CNOT1: variants seen among roughly 807,000 people sequenced by gnomAD.
CNOT1 encodes the protein CCR4-associated factor 1.
Under a neutral mutation model 273.8 loss-of-function variants are expected in CNOT1, and 15 were observed. The observed-to-expected ratio is 0.05, with a 90% CI of 0.04 to 0.08. The LOEUF (loss-of-function observed/expected upper bound fraction) is 0.08. Ranked by LOEUF, CNOT1 falls within the 10% of genes least tolerant of loss-of-function variation. The pLI, the probability that CNOT1 is intolerant of heterozygous loss-of-function variation, is 1.00. For synonymous variants in CNOT1, 1,022 were observed against 1,005.5 expected (o/e 1.02, Z -0.31); for missense variants, 1,644 against 2,912.2 (o/e 0.56, Z 10.02).
intron 39 of CNOT1, among the ~76,000 whole-genome samples, chr16:58,535,824 C>G (rs1250753707): frequency 6.6e-6 from 1 of 151,904 alleles, no homozygotes; most frequent in African/African-American, 2.4e-5. Context: ...AGCTTCATCT[C>G]CTGGGTTCAC....
At chr16:58,545,299 G>T (rs530450006) in intron 30 of CNOT1, 62 bp downstream of exon 30, 1 of 1,590,684 alleles carries the variant, frequency 6.3e-7, no homozygotes, top group African/African-American at 1.3e-5. Flanking sequence ...AGAAAAGGTG[G>T]CCAAACAAAA....
chr16:58,606,997 T>C (rs1275418891), intron 1 of CNOT1, among the ~76,000 whole-genome samples: 10 of 152,274 alleles, frequency 6.6e-5, no homozygotes, highest in African/African-American at 2.2e-4. Flanking sequence ...TAATTGTCTA[T>C]TGAACATTCA....
At chr16:58,544,272 A>C (rs1452299468) in intron 30 of CNOT1, among the ~76,000 whole-genome samples, 2 of 152,176 alleles carry the variant, frequency 1.3e-5, no homozygotes, top group African/African-American at 2.4e-5. Context: ...AAAAAGAATA[A>C]AGTTTATAGA....
chr16:58,573,440 C>T (rs987648417), intron 16 of CNOT1, among the ~76,000 whole-genome samples: 3 of 151,606 alleles, frequency 2.0e-5, no homozygotes, highest in South Asian at 2.1e-4. Context: ...AAAAATTCAA[C>T]GTAATCCTCT....
chr16:58,620,438 C>G (rs552463638), intron 1 of CNOT1, among the ~76,000 whole-genome samples: 1 of 152,088 alleles, frequency 6.6e-6, no homozygotes, highest in East Asian at 1.9e-4. Flanking sequence ...GTCAGGGGTT[C>G]AGGACCAGCC....
chr16:58,617,296 G>C (rs2043125847), intron 1 of CNOT1, among the ~76,000 whole-genome samples: 1 of 152,028 alleles, frequency 6.6e-6, no homozygotes, highest in South Asian at 2.1e-4. Flanking sequence ...GAGAGGTTGA[G>C]GCTACAGTGA....
chr16:58,569,181 G>T (rs909010160), intron 16 of CNOT1, among the ~76,000 whole-genome samples: 4 of 152,190 alleles, frequency 2.6e-5, no homozygotes, highest in Admixed American at 6.5e-5. Context: ...GGAGTGCAGT[G>T]GCACAAACTC....
At chr16:58,521,423 C>G (rs1368929298) in intron 47 of CNOT1, 106 bp from the exon 48 acceptor site, 1 of 1,128,544 alleles carries the variant, frequency 8.9e-7, no homozygotes, top group Non-Finnish European at 1.3e-6. Flanking sequence ...GAACCACATG[C>G]AAAAGTTTTC....
chr16:58,602,426 AC>A (rs1487201090), intron 1 of CNOT1, among the ~76,000 whole-genome samples: 2 of 151,746 alleles, frequency 1.3e-5, no homozygotes, highest in Non-Finnish European at 2.9e-5. Flanking sequence ...GGTGGTGCAC[AC>A]CTATAATCCC....
intron 11 of CNOT1, 70 bp downstream of exon 11, chr16:58,581,275 G>A: frequency 6.7e-7 from 1 of 1,485,226 alleles, no homozygotes; most frequent in South Asian, 1.4e-5. Context: ...CGATCAATGG[G>A]TAGATGGCAC....
rs9924724 is a variant in CNOT1 at position 58,581,679 on chromosome 16, T to A, written c.1045-164A>T. Among the ~76,000 whole-genome samples the A allele has an allele frequency of 0.75, 114,066 of 151,416 alleles. 43,362 individuals carry two copies. Among genetic ancestry groups the A allele is most frequent in the Middle Eastern group, 0.86 (251 of 292 alleles). On this transcript the variant is annotated intron_variant, in intron 10 of 48. Transcript: ENST00000317147. ...TTCTTTTTTTTTCTTTTTTTTTTTT[T>A]AAGACAGAGTCTCACTCCGTTGCTC...
intron 1 of CNOT1, among the ~76,000 whole-genome samples, chr16:58,627,439 G>C (rs113660976): frequency 0.022 from 2,880 of 130,336 alleles, 50 homozygotes; most frequent in South Asian, 0.052. Context: ...CTCATAACCA[G>C]ATCAGAATCT....
chr16:58,565,057 T>C (rs1489205857), intron 16 of CNOT1, among the ~76,000 whole-genome samples: 1 of 152,242 alleles, frequency 6.6e-6, no homozygotes. Flanking sequence ...ATTATTTCTA[T>C]ACTTTTCGCC....
chr16:58,549,292 A>G (rs539525737), intron 25 of CNOT1, among the ~76,000 whole-genome samples: 3 of 125,620 alleles, frequency 2.4e-5, no homozygotes, highest in East Asian at 4.2e-4. Flanking sequence ...ATCTCAAAAA[A>G]ATTGAAAAAA....
intron 18 of CNOT1, among the ~76,000 whole-genome samples, chr16:58,557,636 CA>C (rs11341499): frequency 0.75 from 113,956 of 151,448 alleles, 43,251 homozygotes; most frequent in Middle Eastern, 0.86. Context: ...ACAACAACAA[CA>C]AAAAAAATAT....
rs538359087 is a variant in CNOT1 at position 58,618,877 on chromosome 16, G to A, written c.-175+10851C>T. On this transcript the variant is annotated intron_variant, in intron 1 of 48. Coordinates refer to ENST00000317147, the MANE Select transcript of CNOT1 (RefSeq NM_016284.5). The stretch of plus-strand genomic sequence containing the variant: ...TAACATTTAACAGCCTTGTGTATGT[G>A]CCTTAAATATTTTACAAGAATTAAT... Among the ~76,000 whole-genome samples the A allele has an allele frequency of 2.0e-5, 3 of 152,178 alleles. No homozygotes were observed. In the South Asian group the frequency reaches 6.2e-4, roughly 32 times the overall value.
At chr16:58,574,977 A>C in intron 15 of CNOT1, 30 bp downstream of exon 15, 1 of 1,607,056 alleles carries the variant, frequency 6.2e-7, no homozygotes, top group East Asian at 2.2e-5. Context: ...AAAATTTAAG[A>C]GCAAAAATAA....
chr16:58,578,834 C>T lies in CNOT1; in HGVS notation c.1449G>A (p.Met483Ile). The change falls in exon 13 of 49, where the codon ATG becomes ATA. Residue 483 changes from methionine to isoleucine, a missense_variant. By Grantham distance (10) the Met-to-Ile change is conservative. Coordinates refer to ENST00000317147, the MANE Select transcript of CNOT1 (RefSeq NM_016284.5). ...TAATTTGTAGTAAGGCCAATACCAG[C>T]ATGTCTGGACAGTGTTTGATAGGGA... ...FSFPIKHCPD[M>I]LVLALLQINT... 1 of 1,614,176 alleles carries T rather than the reference C, an allele frequency of 6.2e-7. No homozygotes were observed. The highest frequency in any genetic ancestry group is 1.7e-5 in the Admixed American group (1 of 60,022).
intron 1 of CNOT1, among the ~76,000 whole-genome samples, chr16:58,628,091 G>A (rs1291826548): frequency 4.6e-5 from 7 of 152,174 alleles, no homozygotes; most frequent in Non-Finnish European, 8.8e-5. Flanking sequence ...GCCTCCCTAA[G>A]TGCTGGGATT....
Sources: gnomAD v4.1 joint callset for allele counts (sites outside exome capture counted in the v4.1 genomes callset) on GRCh38, gnomAD v4.1.1 for gene constraint, MANE v1.5 for transcripts, NCBI Gene and HGNC (gene_info 2026-07-23, HGNC 2026-07-21) for gene names.